The following METAP1D variants were observed in gnomAD, a reference collection of about 807,000 sequenced individuals.
METAP1D encodes methionyl aminopeptidase type 1D, mitochondrial.
Under a neutral mutation model 40.5 loss-of-function variants are expected in METAP1D, and 31 were observed. That is an observed-to-expected ratio of 0.77 (90% CI 0.58 to 1.03). METAP1D has a LOEUF of 1.03. Among genes scored for constraint, METAP1D ranks in the 50% least tolerant of loss-of-function variants. METAP1D has a pLI of 0.00. For synonymous variants in METAP1D, 151 were observed against 146.4 expected (o/e 1.03, Z -0.22); for missense variants, 411 against 420.7 (o/e 0.98, Z 0.20).
chr2:172,013,027 A>G (rs925288225), intron 1 of METAP1D, among the ~76,000 whole-genome samples: 1 of 152,230 alleles, frequency 6.6e-6, no homozygotes, highest in African/African-American at 2.4e-5. Context: ...TAGGGGAAGA[A>G]AAATCAGTAA....
intron 1 of METAP1D, among the ~76,000 whole-genome samples, chr2:172,001,471 G>T (rs1688460896): frequency 1.3e-5 from 2 of 152,222 alleles, no homozygotes; most frequent in South Asian, 4.2e-4. Flanking sequence ...CCAGGAGGTG[G>T]AGGTTGCAGT....
chr2:172,064,561 A>T (rs1275076859), intron 3 of METAP1D: 1 of 151,510 alleles, frequency 6.6e-6, no homozygotes, highest in Admixed American at 6.6e-5. Flanking sequence ...TGGAGGTTGC[A>T]GTGAGCCAAG....
In METAP1D at chr2:172,056,472, A is replaced by G. The variant is rs191742892; in HGVS notation, c.41-5026A>G. ...TGCATAGCACTGTCTGATGTAATCA[A>G]ATGCATTTGTTGATTTGCCTATGTC... On this transcript the variant is annotated intron_variant, in intron 1 of 9. Coordinates refer to ENST00000315796, the MANE Select transcript of METAP1D (RefSeq NM_199227.3). Among the ~76,000 whole-genome samples, 4 of 152,308 alleles carry G rather than the reference A, an allele frequency of 2.6e-5. No individual in the cohort carries two copies. The East Asian group carries it at 7.7e-4, about 29-fold the overall frequency.
chr2:172,064,223 G>T (rs940351332), intron 3 of METAP1D: 5 of 174,452 alleles, frequency 2.9e-5, no homozygotes, highest in African/African-American at 1.2e-4. Flanking sequence ...ATTTCTGTGT[G>T]CTTGAAGATT....
chr2:172,033,693 A>T (rs1378805822), intron 1 of METAP1D, among the ~76,000 whole-genome samples: 1 of 152,146 alleles, frequency 6.6e-6, no homozygotes, highest in Non-Finnish European at 1.5e-5. Flanking sequence ...TGACAAAAGG[A>T]GAATATCTAA....
At position 172,070,986 on chromosome 2, in the gene METAP1D, T is replaced by C. The variant is rs758775655; in HGVS notation, c.620T>C (p.Val207Ala). ...GTGGACGAATGTGGTAAAAAGTTAG[T>C]GGAGGTTGCCAGGAGGTGTAGAGAT... ...GNVDECGKKL[V>A]EVARRCRDEA... Residue 207 changes from valine to alanine, a missense_variant, in exon 6 of 10, where the codon GTG (valine) becomes GCG (alanine). Val to Ala is a moderately conservative substitution (Grantham distance 64). Coordinates refer to ENST00000315796, the MANE Select transcript of METAP1D (RefSeq NM_199227.3). 12 of 1,613,362 alleles carry C rather than the reference T, an allele frequency of 7.4e-6. No homozygotes were observed. Among genetic ancestry groups the C allele is most frequent in the East Asian group, 2.2e-5 (1 of 44,836 alleles).
intron 1 of METAP1D, among the ~76,000 whole-genome samples, chr2:172,060,029 C>T (rs920994383): frequency 1.3e-5 from 2 of 151,530 alleles, no homozygotes; most frequent in Non-Finnish European, 2.9e-5. Flanking sequence ...CCAGCCTGGG[C>T]GACTGAGTGA....
chr2:172,032,788 C>T (rs1559001869), intron 1 of METAP1D, among the ~76,000 whole-genome samples: 1 of 152,294 alleles, frequency 6.6e-6, no homozygotes, highest in South Asian at 2.1e-4. Flanking sequence ...TGAGGCCGGG[C>T]GTGGTGGCTC....
chr2:172,077,830 T>C lies in METAP1D; in HGVS notation c.738T>C (p.Cys246=), dbSNP rs771286320. ...HITHQNGFQV[C]PHFVGHGIGS... Reference sequence around the variant, plus strand: ...CTCATCAGAATGGTTTTCAAGTCTGTCCACATTTTGTGGGACATGGAATAG... The same window carrying C: ...CTCATCAGAATGGTTTTCAAGTCTGCCCACATTTTGTGGGACATGGAATAG... Residue 246 remains cysteine (C), a synonymous_variant, in exon 7 of 10, where the codon TGT becomes TGC. Transcript: ENST00000315796. 27 of 1,611,830 alleles carry C rather than the reference T, an allele frequency of 1.7e-5. No homozygotes were observed. Among genetic ancestry groups the C allele is most frequent in the Non-Finnish European group, 2.3e-5 (27 of 1,178,476 alleles).
intron 1 of METAP1D, among the ~76,000 whole-genome samples, chr2:172,045,769 A>ATG (rs1178013571): frequency 1.7e-5 from 1 of 57,612 alleles, no homozygotes; most frequent in Non-Finnish European, 3.9e-5. Context: ...GTGTGTATAT[A>ATG]TGTATATATG....
intron 1 of METAP1D, among the ~76,000 whole-genome samples, chr2:172,047,211 T>G (rs1689781144): frequency 6.6e-6 from 1 of 152,214 alleles, no homozygotes; most frequent in Non-Finnish European, 1.5e-5. Flanking sequence ...AAGTTCTTCC[T>G]GTATCACTGT....
chr2:172,045,664 G>GAA (rs35609681), intron 1 of METAP1D, among the ~76,000 whole-genome samples: 1 of 46,962 alleles, frequency 2.1e-5, no homozygotes, highest in Admixed American at 3.3e-4. Flanking sequence ...TCCGTCTCAG[G>GAA]AAAAAAAAAA....
At chr2:172,075,967 G>A (rs1048242179) in intron 6 of METAP1D, among the ~76,000 whole-genome samples, 75 of 152,292 alleles carry the variant, frequency 4.9e-4, no homozygotes, top group African/African-American at 1.8e-3. Flanking sequence ...GTAAATTGTT[G>A]TAGGAGAATG....
intron 1 of METAP1D, among the ~76,000 whole-genome samples, chr2:172,016,275 CAAAAA>C (rs1172458646): frequency 6.8e-3 from 66 of 9,712 alleles, no homozygotes; most frequent in East Asian, 0.025. Context: ...GACCCTGTCT[CAAAAA>C]AAAAAAAAAA....
chr2:172,064,583 G>C (rs778387012), intron 3 of METAP1D, among the ~76,000 whole-genome samples: 1 of 146,092 alleles, frequency 6.8e-6, no homozygotes, highest in Admixed American at 7.0e-5. Context: ...TCATGCTACT[G>C]TACTCCAGTC....
intron 8 of METAP1D, among the ~76,000 whole-genome samples, chr2:172,079,542 A>G (rs1340326736): frequency 4.6e-5 from 7 of 152,140 alleles, no homozygotes; most frequent in African/African-American, 1.7e-4. Flanking sequence ...TTTCATTAAC[A>G]CCCAGTAACT....
At chr2:172,078,029 A>C (rs1327589659) in intron 7 of METAP1D, 135 bp downstream of exon 7, 40 of 212,778 alleles carry the variant, frequency 1.9e-4, no homozygotes, top group East Asian at 4.1e-4. Flanking sequence ...TGCAGGGGGC[A>C]GGGGAGGGGG....
intron 1 of METAP1D, among the ~76,000 whole-genome samples, chr2:172,015,410 A>G (rs1688833239): frequency 6.6e-6 from 1 of 151,766 alleles, no homozygotes; most frequent in South Asian, 2.1e-4. Context: ...ACTCTGTCTC[A>G]AAAAAAAGAA....
At chr2:172,064,726 G>A (rs906495680) in intron 3 of METAP1D, among the ~76,000 whole-genome samples, 22 of 151,868 alleles carry the variant, frequency 1.4e-4, no homozygotes, top group African/African-American at 5.3e-4. Flanking sequence ...CCTATTTTCT[G>A]CCAAAAGGTG....
Sources: allele counts gnomAD v4.1 joint callset (sites outside exome capture counted in the v4.1 genomes callset), GRCh38; gene constraint gnomAD v4.1.1; transcripts MANE v1.5; gene names NCBI Gene and HGNC (gene_info 2026-07-23, HGNC 2026-07-21).